NRDC: variants seen among roughly 807,000 people sequenced by gnomAD.
The protein encoded by NRDC is nardilysin.
A neutral mutation model predicts 147.1 loss-of-function variants in NRDC; 54 were observed. The observed-to-expected ratio is 0.37, with a 90% CI of 0.29 to 0.46. NRDC has a LOEUF of 0.46. Among genes scored for constraint, NRDC ranks in the 20% least tolerant of loss-of-function variants. The pLI is 1.00. For synonymous variants in NRDC, 440 were observed against 482.1 expected (o/e 0.91, Z 1.14); for missense variants, 1,082 against 1,370.6 (o/e 0.79, Z 3.33).
intron 6 of NRDC, 106 bp from the exon 7 acceptor site, chr1:51,823,892 C>T (rs2149210730): frequency 1.5e-6 from 1 of 653,226 alleles, no homozygotes; most frequent in Non-Finnish European, 2.5e-6. Context: ...AATGAAATAA[C>T]CCAAGGGACT....
chr1:51,790,786 G>C, intron 28 of NRDC, 114 bp downstream of exon 28: 1 of 971,760 alleles, frequency 1.0e-6, no homozygotes, highest in Admixed American at 2.1e-5. Context: ...AGACACTATT[G>C]TAAGAGGAAG....
Position 51,819,875 on chromosome 1 carries a change from TGA to T in NRDC, c.1218-4_1218-3del. 1 of 1,603,964 alleles carries T rather than the reference TGA, an allele frequency of 6.2e-7. No individual in the cohort carries two copies. Among genetic ancestry groups the T allele is most frequent in the Non-Finnish European group, 8.5e-7 (1 of 1,174,252 alleles). ...CCAAAGTTTGGTCTGGGTAACCCAC[TGA>T]AAATAAAACAAATACATACAAATTT... On this transcript the variant is annotated splice_region_variant and splice_polypyrimidine_tract_variant and intron_variant, in intron 8 of 30. Transcript: ENST00000352171.
In NRDC at chr1:51,878,667, C is replaced by T. The variant is rs1032259941; in HGVS notation, c.-52G>A. 1.3e-6 allele frequency: 2 copies of T among 1,515,030 alleles called. No homozygotes were observed. Among genetic ancestry groups the T allele is most frequent in the Admixed American group, 1.9e-5 (1 of 51,316 alleles). The allele number at this position is 1,515,030 out of a possible 1,614,324, so 93.8% of individuals were successfully genotyped here. The stretch of plus-strand genomic sequence containing the variant: ...TCCCGCTTCCCAGGACCCACCTCCT[C>T]CGCGTTCTAGAGGCGGTGGCGGCCG... On this transcript the variant is annotated 5_prime_UTR_variant, in exon 1 of 31. Coordinates refer to ENST00000352171, the MANE Select transcript of NRDC (RefSeq NM_001101662.2).
intron 1 of NRDC, among the ~76,000 whole-genome samples, chr1:51,873,483 A>C (rs923237653): frequency 2.1e-5 from 2 of 95,998 alleles, no homozygotes; most frequent in African/African-American, 1.8e-4. Flanking sequence ...TGGAATTTTT[A>C]TTTATTTATT....
intron 27 of NRDC, 60 bp downstream of exon 27, chr1:51,791,518 G>T: frequency 7.2e-7 from 1 of 1,379,564 alleles, no homozygotes; most frequent in East Asian, 2.3e-5. Flanking sequence ...GGAAACACAT[G>T]TAGCCCCTAC....
At position 51,846,455 on chromosome 1, in the gene NRDC, C is replaced by T. The variant is rs766619928; in HGVS notation, c.342-5941G>A. On this transcript the variant is annotated intron_variant, in intron 1 of 30. Transcript: ENST00000352171. ...TAAAACATTTTCACTCTTTTTGTGTCTGGAATTGTTGGGTTCTTGGTCTCA... is the reference window on the plus strand; with the variant it reads ...TAAAACATTTTCACTCTTTTTGTGTTTGGAATTGTTGGGTTCTTGGTCTCA... Among the ~76,000 whole-genome samples, 4 of 152,210 alleles carry T rather than the reference C, an allele frequency of 2.6e-5. No homozygotes were observed. In the East Asian group the frequency reaches 5.8e-4, roughly 22 times the overall value.
intron 29 of NRDC, 182 bp from the exon 30 acceptor site, chr1:51,789,839 A>G (rs1488628622): frequency 1.7e-6 from 1 of 595,790 alleles, no homozygotes; most frequent in East Asian, 2.8e-5. Context: ...GCATGCCTTC[A>G]CATTTTATAC....
chr1:51,794,215 T>C (rs1027040434), intron 24 of NRDC: 3 of 390,484 alleles, frequency 7.7e-6, no homozygotes, highest in South Asian at 5.3e-5. Context: ...CAGGGGCACA[T>C]GTAGGGATTT....
intron 1 of NRDC, among the ~76,000 whole-genome samples, chr1:51,841,084 G>A (rs1681244486): frequency 6.6e-6 from 1 of 152,128 alleles, no homozygotes; most frequent in Non-Finnish European, 1.5e-5. Flanking sequence ...CCACAGACTG[G>A]TAGCCCCGCA....
At chr1:51,801,156 C>T (rs1453068646) in intron 20 of NRDC, 1 of 152,524 alleles carries the variant, frequency 6.6e-6, no homozygotes, top group Non-Finnish European at 1.5e-5. Flanking sequence ...AAATTTGGAA[C>T]AATTCTTCCT....
At position 51,830,209 on chromosome 1, in the gene NRDC, C is replaced by T. The variant is rs530094225; in HGVS notation, c.867-2340G>A. Reference sequence around the variant, plus strand: ...CAAACTCCTGACCTCGTGATCCACCCGCCTCGGCCTCCCAAAGTGCTGAGA... The same window carrying T: ...CAAACTCCTGACCTCGTGATCCACCTGCCTCGGCCTCCCAAAGTGCTGAGA... On this transcript the variant is annotated intron_variant, in intron 4 of 30. Coordinates refer to ENST00000352171, the MANE Select transcript of NRDC (RefSeq NM_001101662.2). Among the ~76,000 whole-genome samples, 5 of 152,150 alleles carry T rather than the reference C, an allele frequency of 3.3e-5. No individual in the cohort carries two copies. The South Asian group carries it at 8.3e-4, about 25-fold the overall frequency.
intron 14 of NRDC, among the ~76,000 whole-genome samples, chr1:51,813,285 G>A (rs765838756): frequency 4.3e-4 from 66 of 152,116 alleles, no homozygotes; most frequent in Middle Eastern, 3.4e-3. Context: ...AGTATTTACC[G>A]AGCACCCAGA....
chr1:51,816,181 C>A, intron 11 of NRDC, 131 bp downstream of exon 11: 1 of 423,184 alleles, frequency 2.4e-6, no homozygotes, highest in South Asian at 1.0e-4. Flanking sequence ...ATTAAAATAA[C>A]TATAATTAAG....
At chr1:51,797,307 CATAAA>C (rs1678974702) in intron 22 of NRDC, among the ~76,000 whole-genome samples, 1 of 152,126 alleles carries the variant, frequency 6.6e-6, no homozygotes. Flanking sequence ...ATTCTGTACC[CATAAA>C]ATAACTTGTC....
intron 8 of NRDC, among the ~76,000 whole-genome samples, chr1:51,820,178 C>G (rs1418885586): frequency 6.6e-6 from 1 of 152,158 alleles, no homozygotes; most frequent in East Asian, 1.9e-4. Context: ...CAGTTCTCCT[C>G]CTAGACAAAG....
intron 1 of NRDC, among the ~76,000 whole-genome samples, chr1:51,846,659 G>T (rs35549138): frequency 6.6e-6 from 1 of 152,184 alleles, no homozygotes; most frequent in African/African-American, 2.4e-5. Flanking sequence ...GAGTGTTATA[G>T]CTCATAAAGG....
intron 1 of NRDC, among the ~76,000 whole-genome samples, chr1:51,865,895 C>CA (rs201176817): frequency 0.034 from 4,514 of 131,050 alleles, 137 homozygotes; most frequent in African/African-American, 0.092. Flanking sequence ...ACTAAATATA[C>CA]AAAAAAAAAA....
At chr1:51,855,380 A>G (rs1339066283) in intron 1 of NRDC, among the ~76,000 whole-genome samples, 1 of 152,182 alleles carries the variant, frequency 6.6e-6, no homozygotes, top group Non-Finnish European at 1.5e-5. Context: ...GTTCAGTTCT[A>G]TAACAGAGCT....
chr1:51,842,089 T>G (rs140564123), intron 1 of NRDC, among the ~76,000 whole-genome samples: 103 of 152,194 alleles, frequency 6.8e-4, no homozygotes, highest in African/African-American at 2.3e-3. Flanking sequence ...GGGAGGATGA[T>G]TTGAGCCCAG....
Sources: gnomAD v4.1 joint callset for allele counts (sites outside exome capture counted in the v4.1 genomes callset) on GRCh38, gnomAD v4.1.1 for gene constraint, MANE v1.5 for transcripts, NCBI Gene and HGNC (gene_info 2026-07-23, HGNC 2026-07-21) for gene names.